Variants in BID observed in about 807,000 individuals in gnomAD.
The protein encoded by BID is BH3 interacting domain death agonist, also known as BH3-interacting domain death agonist.
Under a neutral mutation model 17.4 loss-of-function variants are expected in BID, and 19 were observed. The observed-to-expected ratio is 1.09, with a 90% confidence interval of 0.76 to 1.60. The LOEUF (loss-of-function observed/expected upper bound fraction) is 1.60, where lower values mean the gene tolerates loss of function less well. BID is among the 40% of genes most tolerant of loss of function. The pLI is 0.00. For synonymous variants in BID, 108 were observed against 102.8 expected, an observed-to-expected ratio of 1.05 and a Z score of -0.31; for missense variants, 226 against 256.0, an observed-to-expected ratio of 0.88 and a Z score of 0.80.
At chr22:17,762,595 GGCTAGAGT>G (rs60897893) in intron 1 of BID, among the ~76,000 whole-genome samples, 80,204 of 151,106 alleles carry the variant, frequency 0.53, 23,323 homozygotes, top group African/African-American at 0.77. Context: ...CTGTCAAGCA[GGCTAGAGT>G]GCAGTAGCAC....
chr22:17,763,710 C>CTTTT (rs35220679), intron 1 of BID, among the ~76,000 whole-genome samples: 1 of 141,966 alleles, frequency 7.0e-6, no homozygotes, highest in Admixed American at 7.1e-5. Context: ...TGAAAACATA[C>CTTTT]TTTTTTTTTT....
chr22:17,748,573 C>T lies in BID; in HGVS notation c.12+1532G>A, dbSNP rs543729248. On this transcript the variant is annotated intron_variant, in intron 2 of 5. Transcript: ENST00000622694. ...ATTAAAGTTATGATGGGAAAAAAGG[C>T]TGAACCCTATAATTGAAAAGAAAGT... Among the ~76,000 whole-genome samples, 202 of 152,286 alleles carry T rather than the reference C, an allele frequency of 1.3e-3. 1 individual carries two copies. Among genetic ancestry groups the T allele is most frequent in the African/African-American group, 4.8e-3 (199 of 41,570 alleles).
chr22:17,773,593 G>A lies in BID; in HGVS notation c.-59+788C>T, dbSNP rs780144401. ...GGCCGGTCCAGCCGCAGAAGGCCCA[G>A]CCCCCAGCCCACTTACAGAATCCGC... On this transcript the variant is annotated intron_variant, in intron 1 of 5. Coordinates refer to ENST00000622694, the MANE Select transcript of BID (RefSeq NM_001196.4). This position sits in a 1 kb window ranked among gnomAD's most constrained non-coding sequence, Gnocchi z 4.4. The A allele has an allele frequency of 6.2e-7, 1 of 1,612,172 alleles. No individual in the cohort carries two copies. Among genetic ancestry groups the A allele is most frequent in the Admixed American group, 1.7e-5 (1 of 60,020 alleles).
chr22:17,755,872 T>C (rs1351928884), intron 1 of BID, among the ~76,000 whole-genome samples: 1 of 151,996 alleles, frequency 6.6e-6, no homozygotes, highest in African/African-American at 2.4e-5. Context: ...TTTTGTTTGT[T>C]TGTTTGTTTT....
chr22:17,765,993 G>C (rs571853517), intron 1 of BID, among the ~76,000 whole-genome samples: 1 of 152,324 alleles, frequency 6.6e-6, no homozygotes, highest in South Asian at 2.1e-4. Context: ...CAGTGGTGCA[G>C]TCACAGCTCA....
intron 1 of BID, among the ~76,000 whole-genome samples, chr22:17,764,547 G>A (rs1457942728): frequency 6.6e-6 from 1 of 152,254 alleles, no homozygotes; most frequent in Non-Finnish European, 1.5e-5. Context: ...TGAATCGGAT[G>A]AAGCTTTAAG....
chr22:17,743,175 G>T (rs959354190), intron 3 of BID, among the ~76,000 whole-genome samples: 1 of 152,242 alleles, frequency 6.6e-6, no homozygotes, highest in African/African-American at 2.4e-5. Context: ...AGGTAATCAC[G>T]GAGCATAATG....
At chr22:17,745,988 A>AAAATAAAT (rs58945027) in intron 2 of BID, among the ~76,000 whole-genome samples, 4 of 152,100 alleles carry the variant, frequency 2.6e-5, no homozygotes, top group African/African-American at 9.7e-5. Flanking sequence ...ACAAACAACA[A>AAAATAAAT]AAATAAATAA....
intron 2 of BID, among the ~76,000 whole-genome samples, chr22:17,744,597 T>C (rs1273153194): frequency 6.6e-6 from 1 of 152,200 alleles, no homozygotes; most frequent in Admixed American, 6.5e-5. Flanking sequence ...GGTGGGTGTG[T>C]CCTTAATCCG....
chr22:17,773,600 GC>G lies in BID; in HGVS notation c.-59+780del, dbSNP rs2061736831. The G allele has an allele frequency of 3.7e-6, 6 of 1,612,430 alleles. No individual in the cohort carries two copies. Among genetic ancestry groups the G allele is most frequent in the Non-Finnish European group, 5.1e-6 (6 of 1,179,900 alleles). On this transcript the variant is annotated intron_variant, in intron 1 of 5. Coordinates refer to ENST00000622694, the MANE Select transcript of BID (RefSeq NM_001196.4). The surrounding 1 kb of genome is among the most constrained non-coding windows in gnomAD (Gnocchi z 4.4). ...CCAGCCGCAGAAGGCCCAGCCCCCA[GC>G]CCACTTACAGAATCCGCACTGTGCT...
intron 3 of BID, among the ~76,000 whole-genome samples, chr22:17,741,649 A>ATTT (rs1002228333): frequency 1.3e-5 from 2 of 151,104 alleles, no homozygotes; most frequent in South Asian, 4.2e-4. Flanking sequence ...ATTTTTATAT[A>ATTT]TTTTTTTTAG....
chr22:17,769,033 C>G lies in BID; in HGVS notation c.-59+5348G>C, dbSNP rs1601883469. ...CTCCAGCCTGGGCGACAGAGTGAGA[C>G]TCGTCTCAAAAATAAATAAATAAAT... is the stretch of plus-strand genomic sequence containing the variant. On this transcript the variant is annotated intron_variant, in intron 1 of 5. Transcript: ENST00000622694. This position sits in a 1 kb window ranked among gnomAD's most constrained non-coding sequence, Gnocchi z 4.8. Among the ~76,000 whole-genome samples the G allele has an allele frequency of 6.8e-6, 1 of 146,952 alleles. No individual in the cohort carries two copies. Among genetic ancestry groups the G allele is most frequent in the East Asian group, 2.0e-4 (1 of 5,020 alleles).
rs2061736150 is a variant in BID, at chr22:17,773,559, G to A, written c.-59+822C>T. On this transcript the variant is annotated intron_variant, in intron 1 of 5. Coordinates refer to ENST00000622694, the MANE Select transcript of BID (RefSeq NM_001196.4). This position sits in a 1 kb window ranked among gnomAD's most constrained non-coding sequence, Gnocchi z 4.4. ...CTCCTCACCTGCCCCAACCCTGCCT[G>A]CAGGTGAAGGCCGGTCCAGCCGCAG... The A allele has an allele frequency of 1.9e-6, 3 of 1,593,824 alleles. No individual in the cohort carries two copies. Among genetic ancestry groups the A allele is most frequent in the African/African-American group, 2.7e-5 (2 of 74,610 alleles).
At position 17,735,648 on chromosome 22, in the gene BID, T is replaced by C. The variant is rs8190353; in HGVS notation, c.577-57A>G. 4.5e-3 allele frequency: 7,213 copies of C among 1,607,990 alleles called. 272 individuals carry two copies. In the African/African-American group the frequency reaches 0.087, roughly 19 times the overall value. ...AGCTAGGCTCATTCACAAACCAGGCTCCAGAGCTCTGTGCCACAGTAGAGC... is the reference window on the plus strand; with the variant it reads ...AGCTAGGCTCATTCACAAACCAGGCCCCAGAGCTCTGTGCCACAGTAGAGC... On this transcript the variant is annotated intron_variant, in intron 5 of 5. Transcript: ENST00000622694.
At chr22:17,740,425 C>T (rs2061451139) in intron 3 of BID, 3 of 427,104 alleles carry the variant, frequency 7.0e-6, no homozygotes, top group East Asian at 8.4e-5. Flanking sequence ...CCTGCCTCTA[C>T]AAGAAACTTT....
intron 1 of BID, among the ~76,000 whole-genome samples, chr22:17,771,941 C>CT (rs2061723937): frequency 6.6e-6 from 1 of 152,206 alleles, no homozygotes; most frequent in African/African-American, 2.4e-5. Context: ...AGAAAGGCTC[C>CT]TTACCCCCAG....
chr22:17,756,452 TTTC>T lies in BID; in HGVS notation c.-58-6281_-58-6279del, dbSNP rs879584556. 7.8e-3 allele frequency among the ~76,000 whole-genome samples: 918 copies of T among 117,412 alleles called. 5 individuals carry two copies. The highest frequency in any genetic ancestry group is 0.012 in the Non-Finnish European group (646 of 56,070). The allele number at this position is 117,412 out of a possible 152,430, so 77.0% of individuals were successfully genotyped here. A position where few individuals can be genotyped will look rare whatever the true frequency, so the allele number is the denominator to read the frequency against. On this transcript the variant is annotated intron_variant, in intron 1 of 5. Transcript: ENST00000622694. Reference sequence around the variant, plus strand: ...TCTTTCTTCTTTCTTTCTTTCTTTCTTTCTTTCTTTCTTTCTTTCTTTCTTTTC... The same window carrying T: ...TCTTTCTTCTTTCTTTCTTTCTTTCTTTTCTTTCTTTCTTTCTTTCTTTTC...
At chr22:17,751,210 A>G (rs1260286540) in intron 1 of BID, among the ~76,000 whole-genome samples, 1 of 151,450 alleles carries the variant, frequency 6.6e-6, no homozygotes, top group Non-Finnish European at 1.5e-5. Flanking sequence ...GTCTCTACTA[A>G]AAATACAAAA....
At chr22:17,772,942 C>A (rs1025621184) in intron 1 of BID, among the ~76,000 whole-genome samples, 3 of 152,166 alleles carry the variant, frequency 2.0e-5, no homozygotes, top group Non-Finnish European at 4.4e-5. Flanking sequence ...TCCTGCCCAA[C>A]CTCCTCAGAA....
Sources: allele counts gnomAD v4.1 joint callset (sites outside exome capture counted in the v4.1 genomes callset), GRCh38; gene constraint gnomAD v4.1.1; non-coding constraint Gnocchi (gnomAD v3.1); transcripts MANE v1.5; gene names NCBI Gene and HGNC (gene_info 2026-07-23, HGNC 2026-07-21).